The following SND1 variants were observed in gnomAD, a reference collection of about 807,000 sequenced individuals.
SND1 encodes staphylococcal nuclease and tudor domain containing 1.
Under a neutral mutation model 121.7 loss-of-function variants are expected in SND1, and 38 were observed. That is an observed-to-expected ratio of 0.31 (90% confidence interval 0.24 to 0.41). The LOEUF (loss-of-function observed/expected upper bound fraction) is 0.41, where lower values mean the gene tolerates loss of function less well. Among genes scored for constraint, SND1 ranks in the 10% least tolerant of loss-of-function variants. The probability of loss-of-function intolerance (pLI) is 1.00; values close to 1 mark genes in which losing one functional copy is unlikely to be tolerated. For synonymous variants in SND1, 401 were observed against 447.4 expected (o/e 0.90, Z 1.31); for missense variants, 868 against 1,184.6 (o/e 0.73, Z 3.92).
intron 10 of SND1, among the ~76,000 whole-genome samples, chr7:127,768,497 G>T (rs1164946788): frequency 6.6e-6 from 1 of 152,174 alleles, no homozygotes; most frequent in Non-Finnish European, 1.5e-5. Flanking sequence ...GAACAGAGAG[G>T]TTTTCTATGA....
rs140286215 is a variant in SND1 at position 128,089,503 on chromosome 7, G to A, written c.2433G>A (p.Thr811=). 1.1e-5 allele frequency: 17 copies of A among 1,612,780 alleles called. No individual in the cohort carries two copies. The highest frequency in any genetic ancestry group is 4.0e-5 in the African/African-American group (3 of 74,898). ...IQVPQDDDAR[T]DAVDSVVRDI... ...CTCTGCTCCAGGATGATGCCCGCAC[G>A]GACGCCGTGGACAGCGTAGTTCGGG... Residue 811 remains threonine (T), a synonymous_variant, in exon 22 of 24, where the codon ACG becomes ACA. Transcript: ENST00000354725.
chr7:127,827,156 T>G (rs1160810130), intron 11 of SND1, among the ~76,000 whole-genome samples: 1 of 152,228 alleles, frequency 6.6e-6, no homozygotes, highest in Non-Finnish European at 1.5e-5. Flanking sequence ...ACATAACTTC[T>G]GAATCTGTTT....
intron 16 of SND1, among the ~76,000 whole-genome samples, chr7:128,056,803 A>T (rs1793150598): frequency 6.6e-6 from 1 of 152,242 alleles, no homozygotes; most frequent in African/African-American, 2.4e-5. Flanking sequence ...ATGCATGCAT[A>T]TAATTTATAC....
At chr7:127,784,970 G>A (rs1429783811) in intron 10 of SND1, among the ~76,000 whole-genome samples, 3 of 152,118 alleles carry the variant, frequency 2.0e-5, no homozygotes, top group African/African-American at 7.2e-5. Context: ...ACAAGCTGGA[G>A]TGCAGTGGCA....
At chr7:127,861,409 C>G (rs1364608623) in intron 12 of SND1, among the ~76,000 whole-genome samples, 3 of 152,148 alleles carry the variant, frequency 2.0e-5, no homozygotes, top group Non-Finnish European at 4.4e-5. Context: ...TTTAGTGTGG[C>G]TGAGAATCAT....
intron 11 of SND1, among the ~76,000 whole-genome samples, chr7:127,831,687 T>C (rs568550583): frequency 1.3e-4 from 20 of 152,342 alleles, no homozygotes; most frequent in African/African-American, 4.8e-4. Context: ...ATGAAACAGA[T>C]GCTCAAAGGT....
intron 9 of SND1, among the ~76,000 whole-genome samples, chr7:127,713,058 T>C (rs999138985): frequency 6.6e-6 from 1 of 152,268 alleles, no homozygotes; most frequent in Non-Finnish European, 1.5e-5. Flanking sequence ...TTTTCTAATA[T>C]GTTGTAAAAC....
In SND1 at chr7:128,089,647, G is replaced by A. The variant is rs1420727465; in HGVS notation, c.2577G>A (p.Gly859=). ...GDVGLGLVKE[G]LVMVEVRKEK... ...TGGGGCTGGGCTTGGTGAAGGAAGG[G>A]CTGGTCATGGTGGAGGTGCGCAAGG... The change falls in exon 22 of 24, where the codon GGG becomes GGA. Residue 859 remains glycine (G), a synonymous_variant. Transcript: ENST00000354725. 3 of 1,614,058 alleles carry A rather than the reference G, an allele frequency of 1.9e-6. No individual in the cohort carries two copies. In the African/African-American group the frequency reaches 4.0e-5, roughly 22 times the overall value.
At chr7:127,706,530 T>C (rs1476038410) in intron 8 of SND1, among the ~76,000 whole-genome samples, 1 of 152,130 alleles carries the variant, frequency 6.6e-6, no homozygotes, top group Non-Finnish European at 1.5e-5. Context: ...AGTGCTGGGA[T>C]TACAGGTGTG....
chr7:127,777,814 T>A (rs1200427756), intron 10 of SND1, among the ~76,000 whole-genome samples: 1 of 152,180 alleles, frequency 6.6e-6, no homozygotes, highest in Admixed American at 6.5e-5. Flanking sequence ...ATAGCTGGAA[T>A]TACAGGCCTG....
At chr7:127,788,435 A>C (rs1797851453) in intron 10 of SND1, among the ~76,000 whole-genome samples, 1 of 152,178 alleles carries the variant, frequency 6.6e-6, no homozygotes, top group Non-Finnish European at 1.5e-5. Flanking sequence ...AAATGCTCTC[A>C]GCTGTCCTTT....
At chr7:127,754,896 G>A (rs993434716) in intron 10 of SND1, among the ~76,000 whole-genome samples, 1 of 152,330 alleles carries the variant, frequency 6.6e-6, no homozygotes. Flanking sequence ...GCCTAACAGA[G>A]TATAGTATTC....
chr7:127,692,469 G>A (rs577233705), intron 2 of SND1: 1 of 152,334 alleles, frequency 6.6e-6, no homozygotes, highest in Admixed American at 6.5e-5. Flanking sequence ...CCTTATTTGA[G>A]CAAGCTTCTG....
chr7:127,707,723 A>G lies in SND1; in HGVS notation c.1038+76A>G, dbSNP rs556192972. The G allele has an allele frequency of 1.9e-5, 25 of 1,299,592 alleles. No homozygotes were observed. The African/African-American group carries it at 2.6e-4, about 14-fold the overall frequency. 80.5% of individuals were successfully genotyped at this position (1,299,592 alleles called of 1,614,324 possible). On this transcript the variant is annotated intron_variant, in intron 9 of 23. Coordinates refer to ENST00000354725, the MANE Select transcript of SND1 (RefSeq NM_014390.4). ...TAATAATACAAGAATTTGAACAATT[A>G]GAAATGCTGAAGCTCTTGAAAATTT...
At chr7:127,696,932 T>G (rs1295132219) in intron 3 of SND1, among the ~76,000 whole-genome samples, 1 of 152,234 alleles carries the variant, frequency 6.6e-6, no homozygotes, top group Non-Finnish European at 1.5e-5. Flanking sequence ...GATAAAGAAA[T>G]AGTTTAATGT....
chr7:127,827,189 C>G (rs1438231704), intron 11 of SND1, among the ~76,000 whole-genome samples: 2 of 152,156 alleles, frequency 1.3e-5, no homozygotes, highest in Non-Finnish European at 2.9e-5. Flanking sequence ...TATGAGTGCT[C>G]TAGGTGATAA....
At chr7:128,031,299 G>C (rs910826907) in intron 16 of SND1, among the ~76,000 whole-genome samples, 37 of 151,748 alleles carry the variant, frequency 2.4e-4, no homozygotes, top group African/African-American at 8.7e-4. Context: ...AGTGCGCTCC[G>C]GCGGCCCCGG....
At position 127,924,856 on chromosome 7, in the gene SND1, A is replaced by T. The variant is rs190134056; in HGVS notation, c.1528-4332A>T. Reference sequence around the variant, plus strand: ...GGGGATATCTTATAGCCATAGATAGATGTACCCACATTTGGAAGAGATGTA... The same window carrying T: ...GGGGATATCTTATAGCCATAGATAGTTGTACCCACATTTGGAAGAGATGTA... On this transcript the variant is annotated intron_variant, in intron 14 of 23. Coordinates refer to ENST00000354725, the MANE Select transcript of SND1 (RefSeq NM_014390.4). Among the ~76,000 whole-genome samples the T allele has an allele frequency of 8.9e-4, 136 of 152,324 alleles. 1 individual carries two copies. The highest frequency in any genetic ancestry group is 3.4e-3 in the Middle Eastern group (1 of 294).
intron 13 of SND1, among the ~76,000 whole-genome samples, chr7:127,900,886 GC>G (rs1800217627): frequency 6.6e-6 from 1 of 152,202 alleles, no homozygotes; most frequent in African/African-American, 2.4e-5. Flanking sequence ...GCTATGTTCT[GC>G]CCCACTGTTT....
Sources: allele counts gnomAD v4.1 joint callset (sites outside exome capture counted in the v4.1 genomes callset), GRCh38; gene constraint gnomAD v4.1.1; transcripts MANE v1.5; gene names NCBI Gene and HGNC (gene_info 2026-07-23, HGNC 2026-07-21).